The following TRIM27 variants were observed in gnomAD, a reference collection of about 807,000 sequenced individuals.
TRIM27 encodes tripartite motif containing 27.
In TRIM27, 12 loss-of-function variants were observed where a neutral mutation model predicts 57.6. That is an observed-to-expected ratio of 0.21 (90% CI 0.13 to 0.34). TRIM27 has a LOEUF of 0.34. Among genes scored for constraint, TRIM27 ranks in the 10% least tolerant of loss-of-function variants. The pLI, the probability that TRIM27 is intolerant of heterozygous loss-of-function variation, is 1.00. For missense variants in TRIM27, 403 were observed against 656.8 expected, an observed-to-expected ratio of 0.61 and a Z score of 4.22; for synonymous variants, 266 against 259.0, an observed-to-expected ratio of 1.03 and a Z score of -0.26.
At chr6:28,910,450 C>T (rs1034777443) in intron 4 of TRIM27, among the ~76,000 whole-genome samples, 2 of 152,188 alleles carry the variant, frequency 1.3e-5, no homozygotes, top group Non-Finnish European at 2.9e-5. Context: ...CTGCCTCAAC[C>T]TCCCAAGTAG....
At chr6:28,922,431 C>T (rs1319868258) in intron 1 of TRIM27, among the ~76,000 whole-genome samples, 1 of 152,130 alleles carries the variant, frequency 6.6e-6, no homozygotes, top group Non-Finnish European at 1.5e-5. Flanking sequence ...AGAGTTCTCA[C>T]CAGAGTGAGT....
At position 28,923,908 on chromosome 6, in the gene TRIM27, G is replaced by A. The variant is rs1247215921; in HGVS notation, c.-276C>T. The A allele has an allele frequency of 6.7e-6, 3 of 446,534 alleles. No homozygotes were observed. The highest frequency in any genetic ancestry group is 4.9e-5 in the South Asian group (1 of 20,338). 27.7% of individuals were successfully genotyped at this position (446,534 alleles called of 1,614,324 possible). ...TAGTGGGGCAGGAAAGGGTAGCCGA[G>A]GGTCAGAGTCCCAGGGCCAGGCGGG... is the stretch of plus-strand genomic sequence containing the variant. On this transcript the variant is annotated 5_prime_UTR_variant, in exon 1 of 8. Coordinates refer to ENST00000377199, the MANE Select transcript of TRIM27 (RefSeq NM_006510.5).
chr6:28,912,088 AC>A (rs1773247669), intron 3 of TRIM27, among the ~76,000 whole-genome samples: 1 of 151,776 alleles, frequency 6.6e-6, no homozygotes. Context: ...AGCTGTTAGT[AC>A]AAAGAACTCC....
chr6:28,907,775 G>A (rs1772879253), intron 6 of TRIM27: 4 of 390,120 alleles, frequency 1.0e-5, no homozygotes, highest in East Asian at 4.9e-5. Flanking sequence ...AGAAGAGCCA[G>A]ATCAAGGAAA....
At chr6:28,914,021 A>AT in intron 3 of TRIM27, among the ~76,000 whole-genome samples, 2 of 112,742 alleles carry the variant, frequency 1.8e-5, no homozygotes, top group South Asian at 2.8e-4. Context: ...TAGCCTACCT[A>AT]TGTTTTTTTT....
chr6:28,904,120 AC>A lies in TRIM27; in HGVS notation c.1491del (p.Ser499LeufsTer28), dbSNP rs1377172315. On this transcript the variant is annotated frameshift_variant, in exon 8 of 8. Transcript: ENST00000377199. LOFTEE classifies it high-confidence loss of function. The surrounding 1 kb of genome is among the most constrained non-coding windows in gnomAD (Gnocchi z 6.1). ...CCATGATTCCCAACATGGCCAGAAA[AC>A]CCATCTATCCCACTCATGGGGCAGA... ...LIICPMSGID[G>X]FSGHVGNHGH... is the part of the protein sequence containing the mutation. 6.2e-7 allele frequency: 1 copy of A among 1,612,876 alleles called. No homozygotes were observed. Among genetic ancestry groups the A allele is most frequent in the Non-Finnish European group, 8.5e-7 (1 of 1,180,028 alleles).
At chr6:28,918,524 C>T (rs1448328110) in intron 3 of TRIM27, among the ~76,000 whole-genome samples, 7 of 151,638 alleles carry the variant, frequency 4.6e-5, no homozygotes, top group Admixed American at 4.6e-4. Context: ...TGCTTCGTCT[C>T]AAAAATAAAA....
Position 28,923,453 on chromosome 6 carries a change from G to C in TRIM27, c.180C>G (p.Phe60Leu). ...NVSCPQCRET[F>L]PQRHMRPNRH... ...GGTTGGGCCGCATGTGCCTCTGCGG[G>C]AAGGTCTCCCGGCACTGCGGGCACG... The change falls in exon 1 of 8, where the codon TTC becomes TTG. Residue 60 changes from phenylalanine to leucine, a missense_variant. Phe to Leu is a conservative substitution (Grantham distance 22). Coordinates refer to ENST00000377199, the MANE Select transcript of TRIM27 (RefSeq NM_006510.5). The C allele has an allele frequency of 6.2e-7, 1 of 1,612,234 alleles. No individual in the cohort carries two copies.
At chr6:28,918,853 G>A (rs1454093764) in intron 3 of TRIM27, among the ~76,000 whole-genome samples, 1 of 151,782 alleles carries the variant, frequency 6.6e-6, no homozygotes, top group Non-Finnish European at 1.5e-5. Context: ...TCCAGCCTGG[G>A]CAACAGAGCA....
chr6:28,908,673 C>A, intron 6 of TRIM27, 135 bp downstream of exon 6: 2 of 738,360 alleles, frequency 2.7e-6, no homozygotes, highest in Non-Finnish European at 2.2e-6. Context: ...TAATTAAGAC[C>A]AAAGGGAAGA....
intron 3 of TRIM27, among the ~76,000 whole-genome samples, chr6:28,916,499 C>T (rs369619754): frequency 6.6e-6 from 1 of 150,696 alleles, no homozygotes; most frequent in Non-Finnish European, 1.5e-5. Context: ...TTGCGGTGAG[C>T]GGAGATCGTG....
chr6:28,915,461 T>G (rs564734318), intron 3 of TRIM27, among the ~76,000 whole-genome samples: 22 of 151,918 alleles, frequency 1.4e-4, no homozygotes, highest in Non-Finnish European at 2.5e-4. Context: ...ATACAAAAAT[T>G]AGCTAGGTGT....
chr6:28,918,711 A>C (rs1312664195), intron 3 of TRIM27, among the ~76,000 whole-genome samples: 1 of 151,860 alleles, frequency 6.6e-6, no homozygotes, highest in Non-Finnish European at 1.5e-5. Context: ...CCCCGTCTCT[A>C]CTAAAAATAC....
chr6:28,923,322 T>A lies in TRIM27; in HGVS notation c.311A>T (p.Lys104Met). Reference sequence around the variant, plus strand: ...CATCTGGTCCTCCTCGCAGTACAGCTTCAGGGGCTCGCGGTGCTTCTCGCA... The same window carrying A: ...CATCTGGTCCTCCTCGCAGTACAGCATCAGGGGCTCGCGGTGCTTCTCGCA... ...GVCEKHREPL[K>M]LYCEEDQMPI... The change falls in exon 1 of 8, where the codon AAG becomes ATG. Residue 104 changes from lysine (K) to methionine (M), a missense_variant. Lys to Met is a moderately conservative substitution (Grantham distance 95). Coordinates refer to ENST00000377199, the MANE Select transcript of TRIM27 (RefSeq NM_006510.5). 1 of 1,612,512 alleles carries A rather than the reference T, an allele frequency of 6.2e-7. No individual in the cohort carries two copies. Among genetic ancestry groups the A allele is most frequent in the Non-Finnish European group, 8.5e-7 (1 of 1,179,774 alleles).
At chr6:28,921,809 G>T in intron 2 of TRIM27, 83 bp downstream of exon 2, 1 of 1,139,286 alleles carries the variant, frequency 8.8e-7, no homozygotes, top group Non-Finnish European at 1.3e-6. Flanking sequence ...GTGACATGCT[G>T]GACAAGTTTA....
chr6:28,923,809 G>A lies in TRIM27; in HGVS notation c.-177C>T. On this transcript the variant is annotated 5_prime_UTR_variant, in exon 1 of 8. Transcript: ENST00000377199. ...CGCGCACCGAAGGCTTGGAGTGGCC[G>A]GGCCGATGCCTGCGCCTGTGCCCCC... 1 of 671,074 alleles carries A rather than the reference G, an allele frequency of 1.5e-6. No homozygotes were observed. The highest frequency in any genetic ancestry group is 2.4e-6 in the Non-Finnish European group (1 of 417,668). The allele number at this position is 671,074 out of a possible 1,614,324, so 41.6% of individuals were successfully genotyped here.
Position 28,917,774 on chromosome 6 carries a change from C to T in TRIM27, c.747+2238G>A, listed in dbSNP as rs150684134. On this transcript the variant is annotated intron_variant, in intron 3 of 7. Transcript: ENST00000377199. Reference sequence around the variant, plus strand: ...ATATGTACTTTAGTTCTCATTTCCACCTGCCTTCTCAGGAACCGCACATTG... The same window carrying T: ...ATATGTACTTTAGTTCTCATTTCCATCTGCCTTCTCAGGAACCGCACATTG... Among the ~76,000 whole-genome samples, 654 of 152,142 alleles carry T rather than the reference C, an allele frequency of 4.3e-3. 3 individuals carry two copies. The highest frequency in any genetic ancestry group is 0.015 in the African/African-American group (613 of 41,516).
intron 4 of TRIM27, among the ~76,000 whole-genome samples, chr6:28,909,459 C>A (rs1156454226): frequency 6.6e-6 from 1 of 152,194 alleles, no homozygotes; most frequent in Non-Finnish European, 1.5e-5. Flanking sequence ...AGGACAGGGG[C>A]TAAGTTAAAC....
chr6:28,923,545 C>G lies in TRIM27; in HGVS notation c.88G>C (p.Asp30His). 1.2e-6 allele frequency: 2 copies of G among 1,611,704 alleles called. No individual in the cohort carries two copies. The highest frequency in any genetic ancestry group is 1.7e-6 in the Non-Finnish European group (2 of 1,179,560). Residue 30 changes from aspartate (D) to histidine (H), a missense_variant, in exon 1 of 8, where the codon GAC (aspartate) becomes CAC (histidine). Coordinates refer to ENST00000377199, the MANE Select transcript of TRIM27 (RefSeq NM_006510.5). ...GCGCAACAGATGTTATGGCCGCAGT[C>G]GAGCATCATGGGCTCTGCGAAGTAC... ...LQYFAEPMMLDCGHNICCACL... is the reference protein window; with the variant it reads ...LQYFAEPMMLHCGHNICCACL...
Sources: gnomAD v4.1 joint callset for allele counts (sites outside exome capture counted in the v4.1 genomes callset) on GRCh38, gnomAD v4.1.1 for gene constraint, Gnocchi (gnomAD v3.1) non-coding constraint, MANE v1.5 for transcripts, NCBI Gene and HGNC (gene_info 2026-07-23, HGNC 2026-07-21) for gene names.